CAMSAP3: variants seen among roughly 807,000 people sequenced by gnomAD.
The protein encoded by CAMSAP3 is calmodulin-regulated spectrin-associated protein 3.
A neutral mutation model predicts 112.5 loss-of-function variants in CAMSAP3; 34 were observed. That is an observed-to-expected ratio of 0.30 (90% confidence interval 0.23 to 0.40). The LOEUF (loss-of-function observed/expected upper bound fraction) is 0.40, where lower values mean the gene tolerates loss of function less well. Among genes scored for constraint, CAMSAP3 ranks in the 10% least tolerant of loss-of-function variants. The pLI, the probability that CAMSAP3 is intolerant of heterozygous loss-of-function variation, is 1.00. For synonymous variants in CAMSAP3, 868 were observed against 799.8 expected, an observed-to-expected ratio of 1.09 and a Z score of -1.44; for missense variants, 1,602 against 1,770.3, an observed-to-expected ratio of 0.90 and a Z score of 1.71.
chr19:7,614,282 A>AAAAAAAAAAAAAAAG (rs1568447672), intron 11 of CAMSAP3, among the ~76,000 whole-genome samples: 8 of 147,130 alleles, frequency 5.4e-5, no homozygotes, highest in African/African-American at 2.0e-4. Flanking sequence ...AAAAAAAAAA[A>AAAAAAAAAAAAAAAG]AGTGAGCACA....
At chr19:7,606,611 C>T (rs576559841) in intron 4 of CAMSAP3, 40 bp downstream of exon 4, 42 of 1,517,720 alleles carry the variant, frequency 2.8e-5, no homozygotes, top group African/African-American at 4.1e-5. Flanking sequence ...GATGGGGGAC[C>T]GGAGATCTGG....
Position 7,618,155 on chromosome 19 carries a change from C to T in CAMSAP3, c.*98C>T. The stretch of plus-strand genomic sequence containing the variant: ...ATTCCTGGGTCCTGTCTGTCCCCAA[C>T]CGTGTCTGGGTGGGGCTGGAGTCTC... On this transcript the variant is annotated 3_prime_UTR_variant, in exon 17 of 17. Transcript: ENST00000160298. 1 of 1,366,714 alleles carries T rather than the reference C, an allele frequency of 7.3e-7. No individual in the cohort carries two copies. The highest frequency in any genetic ancestry group is 9.9e-7 in the Non-Finnish European group (1 of 1,008,570). The allele number at this position is 1,366,714 out of a possible 1,614,324, so 84.7% of individuals were successfully genotyped here. A position where few individuals can be genotyped will look rare whatever the true frequency, so the allele number is the denominator to read the frequency against.
intron 2 of CAMSAP3, 39 bp from the exon 3 acceptor site, chr19:7,606,232 C>A (rs757424748): frequency 2.5e-6 from 4 of 1,595,166 alleles, no homozygotes; most frequent in Non-Finnish European, 1.7e-6. Flanking sequence ...GCGCCTCCTG[C>A]AGCTCTCAGG....
chr19:7,605,879 C>T (rs1159418939), intron 2 of CAMSAP3, among the ~76,000 whole-genome samples: 3 of 151,430 alleles, frequency 2.0e-5, no homozygotes, highest in Non-Finnish European at 4.4e-5. Flanking sequence ...AGGCTCCTCC[C>T]CTCAAGCTCT....
At chr19:7,602,764 A>G (rs966191673) in intron 1 of CAMSAP3, among the ~76,000 whole-genome samples, 1 of 151,906 alleles carries the variant, frequency 6.6e-6, no homozygotes, top group Non-Finnish European at 1.5e-5. Flanking sequence ...GGGCATGTCC[A>G]TTTACAAGGA....
intron 13 of CAMSAP3, 52 bp from the exon 14 acceptor site, chr19:7,616,471 T>C: frequency 7.8e-7 from 1 of 1,285,822 alleles, no homozygotes; most frequent in Non-Finnish European, 1.1e-6. Flanking sequence ...GACCGGGTGT[T>C]GTGGAGGGCA....
chr19:7,605,618 T>A, intron 2 of CAMSAP3, 139 bp downstream of exon 2: 1 of 1,027,154 alleles, frequency 9.7e-7, no homozygotes, highest in Non-Finnish European at 1.3e-6. Flanking sequence ...TAAGCCTAGC[T>A]CCTCCCATCA....
chr19:7,614,090 T>C (rs112554436), intron 11 of CAMSAP3, among the ~76,000 whole-genome samples: 7,351 of 151,468 alleles, frequency 0.049, 392 homozygotes, highest in Admixed American at 0.13. Flanking sequence ...TGAAACTCCG[T>C]CTCTACTAAA....
In CAMSAP3 at chr19:7,612,746, G is replaced by A. The variant is rs1325829294; in HGVS notation, c.2253G>A (p.Gly751=). The change falls in exon 11 of 17, where the codon GGG becomes GGA. Residue 751 remains glycine, a synonymous_variant. Transcript: ENST00000160298. ...GGGTCATCCCTGGCCCCACGACGGG[G>A]CCCAAAGCTGCATCCCCCAGCCCCG... is the stretch of plus-strand genomic sequence containing the variant. ...AAWVIPGPTT[G]PKAASPSPAR... The A allele has an allele frequency of 6.5e-7, 1 of 1,532,122 alleles. No homozygotes were observed. Among genetic ancestry groups the A allele is most frequent in the Admixed American group, 2.0e-5 (1 of 50,878 alleles). The allele number at this position is 1,532,122 out of a possible 1,614,324, so 94.9% of individuals were successfully genotyped here.
chr19:7,607,799 A>G lies in CAMSAP3; in HGVS notation c.622-327A>G. On this transcript the variant is annotated intron_variant, in intron 4 of 16. Coordinates refer to ENST00000160298, the MANE Select transcript of CAMSAP3 (RefSeq NM_020902.2). The surrounding 1 kb of genome is among the most constrained non-coding windows in gnomAD (Gnocchi z 4.9). ...AGGTCAGCACCCCTCCCCCTTGCTGATGGCTGCTCCTCTCCCCCCAGCACG... is the reference window on the plus strand; with the variant it reads ...AGGTCAGCACCCCTCCCCCTTGCTGGTGGCTGCTCCTCTCCCCCCAGCACG... 2 of 1,157,994 alleles carry G rather than the reference A, an allele frequency of 1.7e-6. No individual in the cohort carries two copies. The highest frequency in any genetic ancestry group is 2.4e-6 in the Non-Finnish European group (2 of 835,214). The allele number at this position is 1,157,994 out of a possible 1,614,324, so 71.7% of individuals were successfully genotyped here.
At chr19:7,608,391 G>A (rs559849651) in intron 5 of CAMSAP3, 127 bp downstream of exon 5, 25 of 1,126,770 alleles carry the variant, frequency 2.2e-5, no homozygotes, top group Middle Eastern at 2.1e-4. Flanking sequence ...GGCAGCTTCC[G>A]GAACTGGCAG....
chr19:7,605,147 G>GGGGGGTGTGTGTGTGTGT, intron 1 of CAMSAP3, 79 bp from the exon 2 acceptor site: 3 of 624,572 alleles, frequency 4.8e-6, no homozygotes, highest in South Asian at 2.7e-5. Flanking sequence ...CGGGCCATGT[G>GGGGGGTGTGTGTGTGTGT]GTGTGTGTGT....
In CAMSAP3 at chr19:7,615,506, G is replaced by A. The variant is rs1245952793; in HGVS notation, c.2899G>A (p.Glu967Lys). The A allele has an allele frequency of 9.1e-6, 14 of 1,539,130 alleles. No individual in the cohort carries two copies. The highest frequency in any genetic ancestry group is 1.1e-5 in the Non-Finnish European group (13 of 1,144,808). The change falls in exon 13 of 17, where the codon GAG becomes AAG. Residue 967 changes from glutamate (E) to lysine (K), a missense_variant. Around this residue, in one of 6 missense-constraint regions of CAMSAP3, gnomAD observed 1,100 missense variants for 1,135.7 expected, o/e 0.97. Transcript: ENST00000160298. This position sits in a 1 kb window ranked among gnomAD's most constrained non-coding sequence, Gnocchi z 6.5. ...AGCCCCTGCTGCCCGGGCTCCAGCCGAGGAGGAGGTGGGCCCCCGGAAGGG... is the reference window on the plus strand; with the variant it reads ...AGCCCCTGCTGCCCGGGCTCCAGCCAAGGAGGAGGTGGGCCCCCGGAAGGG... ...TPAPAARAPA[E>K]EEVGPRKGDF...
chr19:7,615,505 C>T lies in CAMSAP3; in HGVS notation c.2898C>T (p.Ala966=), dbSNP rs954295945. The T allele has an allele frequency of 2.6e-6, 4 of 1,538,940 alleles. No homozygotes were observed. The highest frequency in any genetic ancestry group is 2.4e-5 in the South Asian group (2 of 83,700). ...ATPAPAARAP[A]EEEVGPRKGD... is the part of the protein sequence containing the mutation. Reference sequence around the variant, plus strand: ...CAGCCCCTGCTGCCCGGGCTCCAGCCGAGGAGGAGGTGGGCCCCCGGAAGG... The same window carrying T: ...CAGCCCCTGCTGCCCGGGCTCCAGCTGAGGAGGAGGTGGGCCCCCGGAAGG... Residue 966 remains alanine (A), a synonymous_variant, in exon 13 of 17, where the codon GCC becomes GCT. Coordinates refer to ENST00000160298, the MANE Select transcript of CAMSAP3 (RefSeq NM_020902.2). This position sits in a 1 kb window ranked among gnomAD's most constrained non-coding sequence, Gnocchi z 6.5.
intron 14 of CAMSAP3, 59 bp downstream of exon 14, chr19:7,616,681 G>A (rs753717021): frequency 5.6e-6 from 7 of 1,242,592 alleles, no homozygotes; most frequent in Non-Finnish European, 8.2e-6. Context: ...GAGCCTGGGA[G>A]GTGTGTGGGC....
In CAMSAP3 at chr19:7,615,798, G is replaced by A. The variant is rs2030753320; in HGVS notation, c.3112+79G>A. The A allele has an allele frequency of 1.2e-5, 12 of 1,002,710 alleles. No individual in the cohort carries two copies. The highest frequency in any genetic ancestry group is 4.0e-5 in the Admixed American group (1 of 25,072). The allele number at this position is 1,002,710 out of a possible 1,614,324, so 62.1% of individuals were successfully genotyped here. A position where few individuals can be genotyped will look rare whatever the true frequency, so the allele number is the denominator to read the frequency against. The stretch of plus-strand genomic sequence containing the variant: ...GGTGAGGCCCCCATGGGTAAGGGGG[G>A]AGGGGGAGGGAGATGTAAGCAGGGG... On this transcript the variant is annotated intron_variant, in intron 13 of 16. Coordinates refer to ENST00000160298, the MANE Select transcript of CAMSAP3 (RefSeq NM_020902.2). The surrounding 1 kb of genome is among the most constrained non-coding windows in gnomAD (Gnocchi z 6.5).
Position 7,615,437 on chromosome 19 carries a change from C to T in CAMSAP3, c.2830C>T (p.Pro944Ser), listed in dbSNP as rs754010614. 17 of 1,540,990 alleles carry T rather than the reference C, an allele frequency of 1.1e-5. No homozygotes were observed. The South Asian group carries it at 1.9e-4, about 17-fold the overall frequency. The change falls in exon 13 of 17, where the codon CCG becomes TCG. Residue 944 changes from proline (P) to serine (S), a missense_variant. Coordinates refer to ENST00000160298, the MANE Select transcript of CAMSAP3 (RefSeq NM_020902.2). This position sits in a 1 kb window ranked among gnomAD's most constrained non-coding sequence, Gnocchi z 6.5. ...EAARLAQEEA[P>S]GPAPLVSAVP... ...CTGCAGGCTGGCCCAAGAGGAGGCC[C>T]CGGGCCCAGCCCCGCTTGTGTCCGC...
rs749303732 is a variant in CAMSAP3 at position 7,610,924 on chromosome 19, G to A, written c.1042G>A (p.Gly348Ser). 1.5e-5 allele frequency: 24 copies of A among 1,583,396 alleles called. No homozygotes were observed. In the East Asian group the frequency reaches 2.0e-4, roughly 13 times the overall value. The change falls in exon 8 of 17, where the codon GGC becomes AGC. Residue 348 changes from glycine (G) to serine (S), a missense_variant. By Grantham distance (56) the Gly-to-Ser change is moderately conservative (BLOSUM62 0). Coordinates refer to ENST00000160298, the MANE Select transcript of CAMSAP3 (RefSeq NM_020902.2). The surrounding 1 kb of genome is among the most constrained non-coding windows in gnomAD (Gnocchi z 4.9). ...GGCCTCCCCACCTCAGAACAACAGC[G>A]GCAGTAGGTACGCTCCCCACACTGG... The part of the protein sequence containing the change: ...TEASPPQNNS[G>S]SSSPVFTFRH...
At chr19:7,600,660 A>C (rs2029914101) in intron 1 of CAMSAP3, among the ~76,000 whole-genome samples, 1 of 72,600 alleles carries the variant, frequency 1.4e-5, no homozygotes, top group Non-Finnish European at 2.6e-5. Flanking sequence ...CCACCCACTC[A>C]TCCACTCATC....
Sources: gnomAD v4.1 joint callset for allele counts (sites outside exome capture counted in the v4.1 genomes callset) on GRCh38, gnomAD v4.1.1 for gene constraint, gnomAD v4.1.1 regional missense constraint, Gnocchi (gnomAD v3.1) non-coding constraint, MANE v1.5 for transcripts, NCBI Gene and HGNC (gene_info 2026-07-23, HGNC 2026-07-21) for gene names.